Variants in PISD observed in about 807,000 individuals in gnomAD.
PISD encodes the protein phosphatidylserine decarboxylase proenzyme, mitochondrial.
A neutral mutation model predicts 43.5 loss-of-function variants in PISD; 31 were observed. The observed-to-expected ratio is 0.71, with a 90% CI of 0.54 to 0.96. The LOEUF (loss-of-function observed/expected upper bound fraction) is 0.96. Among genes scored for constraint, PISD ranks in the 40% least tolerant of loss-of-function variants. The pLI is 0.00. For synonymous variants in PISD, 259 were observed against 228.7 expected, an observed-to-expected ratio of 1.13 and a Z score of -1.20; for missense variants, 523 against 548.4, an observed-to-expected ratio of 0.95 and a Z score of 0.46.
At chr22:31,640,024 T>C (rs1307155955) in intron 3 of PISD, among the ~76,000 whole-genome samples, 1 of 152,104 alleles carries the variant, frequency 6.6e-6, no homozygotes. Flanking sequence ...CTCTGCCCAC[T>C]GATGGGCCAC....
intron 3 of PISD, among the ~76,000 whole-genome samples, chr22:31,645,471 G>A (rs1049111936): frequency 1.3e-4 from 20 of 151,360 alleles, no homozygotes; most frequent in African/African-American, 2.4e-4. Context: ...TTGGGAGGCC[G>A]AGGTGGGCGG....
chr22:31,656,580 C>T (rs9619221), intron 1 of PISD, among the ~76,000 whole-genome samples: 8,795 of 149,940 alleles, frequency 0.059, 459 homozygotes, highest in Admixed American at 0.13. Flanking sequence ...ATCTGGGAGA[C>T]GGAGGTTGCA....
At chr22:31,624,016 C>A (rs1048099166) in intron 3 of PISD, among the ~76,000 whole-genome samples, 1 of 152,242 alleles carries the variant, frequency 6.6e-6, no homozygotes, top group Non-Finnish European at 1.5e-5. Context: ...TGTGCCCCCT[C>A]GTCCCAACCC....
chr22:31,643,126 GAGAT>G (rs1569489765), intron 3 of PISD, among the ~76,000 whole-genome samples: 21 of 59,830 alleles, frequency 3.5e-4, no homozygotes, highest in East Asian at 1.1e-3. Flanking sequence ...AAAGAAAATA[GAGAT>G]AAAGACAGGA....
intron 1 of PISD, among the ~76,000 whole-genome samples, chr22:31,656,008 C>A (rs1466250996): frequency 3.3e-5 from 5 of 152,016 alleles, no homozygotes; most frequent in African/African-American, 1.2e-4. Context: ...TGAAAACTAC[C>A]ACTGGCCAGG....
At chr22:31,628,483 C>T (rs961606700) in intron 3 of PISD, among the ~76,000 whole-genome samples, 4 of 152,224 alleles carry the variant, frequency 2.6e-5, no homozygotes, top group Non-Finnish European at 4.4e-5. Flanking sequence ...CCCTTCTAAG[C>T]CTCAAAGACA....
rs756201810 is a variant in PISD at position 31,621,367 on chromosome 22, G to A, written c.664C>T (p.Arg222Cys). 35 of 1,613,948 alleles carry A rather than the reference G, an allele frequency of 2.2e-5. No individual in the cohort carries two copies. Among genetic ancestry groups the A allele is most frequent in the African/African-American group, 1.7e-4 (13 of 74,918 alleles). Residue 222 changes from arginine to cysteine, a missense_variant, in exon 5 of 8, where the codon CGT (arginine) becomes TGT (cysteine). Physicochemically the swap from Arg to Cys is radical, Grantham distance 180 (BLOSUM62 -3). Transcript: ENST00000439502. ...AAGGGCAGGTCCTCTGTGCACATACGCGGGCCCAGGAACGACTCCAGGGAG... is the reference window on the plus strand; with the variant it reads ...AAGGGCAGGTCCTCTGTGCACATACACGGGCCCAGGAACGACTCCAGGGAG... ...TYSLESFLGP[R>C]MCTEDLPFPP...
intron 3 of PISD, among the ~76,000 whole-genome samples, chr22:31,645,826 C>T (rs1272947002): frequency 1.4e-5 from 2 of 146,302 alleles, no homozygotes; most frequent in Non-Finnish European, 3.0e-5. Context: ...CATTGCCTTC[C>T]AGCCTGGGCA....
intron 3 of PISD, among the ~76,000 whole-genome samples, chr22:31,647,653 C>A (rs928934224): frequency 1.3e-5 from 2 of 152,192 alleles, no homozygotes; most frequent in Admixed American, 1.3e-4. Flanking sequence ...CGTAACAATG[C>A]AGGCTGCCCC....
intron 3 of PISD, among the ~76,000 whole-genome samples, chr22:31,631,276 T>G (rs571717583): frequency 1.3e-5 from 2 of 152,304 alleles, no homozygotes; most frequent in Non-Finnish European, 2.9e-5. Context: ...CTGACCTCAC[T>G]GAGGACCAGC....
At chr22:31,625,760 C>T (rs1167150678) in intron 3 of PISD, 1 of 1,584,648 alleles carries the variant, frequency 6.3e-7, no homozygotes, top group East Asian at 2.3e-5. Flanking sequence ...GGCAGCATCT[C>T]ACCATTTCGC....
At position 31,618,771 on chromosome 22, in the gene PISD, C is replaced by G; in HGVS notation, c.*841G>C. 5.0e-6 allele frequency: 1 copy of G among 201,162 alleles called. No individual in the cohort carries two copies. Among genetic ancestry groups the G allele is most frequent in the Admixed American group, 5.7e-5 (1 of 17,634 alleles). The allele number at this position is 201,162 out of a possible 1,614,324, so 12.5% of individuals were successfully genotyped here. A position where few individuals can be genotyped will look rare whatever the true frequency, so the allele number is the denominator to read the frequency against. The stretch of plus-strand genomic sequence containing the variant: ...CACCAAGGGTCCTCTGCCTCCAAGA[C>G]AGACCCTGAATCAATAGCAGCAACT... On this transcript the variant is annotated 3_prime_UTR_variant, in exon 8 of 8. Coordinates refer to ENST00000439502, the MANE Select transcript of PISD (RefSeq NM_001326411.2).
At chr22:31,653,992 C>T (rs1368838524) in intron 1 of PISD, among the ~76,000 whole-genome samples, 1 of 152,148 alleles carries the variant, frequency 6.6e-6, no homozygotes, top group Non-Finnish European at 1.5e-5. Context: ...TTTGGTCCTC[C>T]CTACTTTTCT....
chr22:31,621,203 A>T, intron 5 of PISD, 61 bp from the exon 6 acceptor site: 2 of 1,612,802 alleles, frequency 1.2e-6, no homozygotes, highest in Non-Finnish European at 1.7e-6. Flanking sequence ...ACGGAGCCCG[A>T]GTGTGGTCTG....
intron 3 of PISD, among the ~76,000 whole-genome samples, chr22:31,635,058 C>G (rs2073383006): frequency 6.6e-6 from 1 of 151,938 alleles, no homozygotes; most frequent in African/African-American, 2.4e-5. Flanking sequence ...CCCAGCTACT[C>G]AGGAGGCTGA....
In PISD at chr22:31,621,959, C is replaced by T; in HGVS notation, c.322-74G>A. ...CAGAGAGCCCAAGTAGTGTCATTAGCCCAGCTCTCACTTCAGGGGAGAATC... is the reference window on the plus strand; with the variant it reads ...CAGAGAGCCCAAGTAGTGTCATTAGTCCAGCTCTCACTTCAGGGGAGAATC... On this transcript the variant is annotated intron_variant, in intron 3 of 7. Coordinates refer to ENST00000439502, the MANE Select transcript of PISD (RefSeq NM_001326411.2). 3 of 1,126,124 alleles carry T rather than the reference C, an allele frequency of 2.7e-6. No homozygotes were observed. The South Asian group carries it at 3.8e-5, about 14-fold the overall frequency. 69.8% of individuals were successfully genotyped at this position (1,126,124 alleles called of 1,614,324 possible). A position where few individuals can be genotyped will look rare whatever the true frequency, so the allele number is the denominator to read the frequency against.
At chr22:31,629,812 A>C (rs191808987) in intron 3 of PISD, 1 of 152,222 alleles carries the variant, frequency 6.6e-6, no homozygotes, top group Non-Finnish European at 1.5e-5. Flanking sequence ...CTGCCGGAGT[A>C]TATGTAGCTT....
intron 3 of PISD, among the ~76,000 whole-genome samples, chr22:31,635,993 T>C (rs966557841): frequency 2.4e-4 from 36 of 152,236 alleles, no homozygotes; most frequent in Admixed American, 6.5e-5. Context: ...ATTTAACAAC[T>C]TTATGAGGGC....
At chr22:31,662,316 G>C, upstream of PISD, 4 of 1,161,872 alleles carry the variant, frequency 3.4e-6, no homozygotes, top group Non-Finnish European at 5.1e-6. Context: ...CGCGGGTTGG[G>C]GGCGGAGCCG....
Sources: gnomAD v4.1 joint callset for allele counts (sites outside exome capture counted in the v4.1 genomes callset) on GRCh38, gnomAD v4.1.1 for gene constraint, MANE v1.5 for transcripts, NCBI Gene and HGNC (gene_info 2026-07-23, HGNC 2026-07-21) for gene names.